Variants in EPS8L3 observed in about 807,000 individuals in gnomAD.
EPS8L3 encodes the protein epidermal growth factor receptor kinase substrate 8-like protein 3.
A neutral mutation model predicts 88.5 loss-of-function variants in EPS8L3; 80 were observed. That is an observed-to-expected ratio of 0.90 (90% confidence interval 0.75 to 1.09). The LOEUF is 1.09. Among genes scored for constraint, EPS8L3 ranks in the 50% least tolerant of loss-of-function variants. EPS8L3 has a pLI of 0.00. For missense variants in EPS8L3, 721 were observed against 735.2 expected (o/e 0.98, Z 0.22); for synonymous variants, 286 against 291.0 (o/e 0.98, Z 0.18).
In EPS8L3 at chr1:109,757,123, T is replaced by C; in HGVS notation, c.1012A>G (p.Ile338Val). The C allele has an allele frequency of 6.2e-7, 1 of 1,613,752 alleles. No homozygotes were observed. The highest frequency in any genetic ancestry group is 8.5e-7 in the Non-Finnish European group (1 of 1,179,820). The change falls in exon 12 of 19, where the codon ATC becomes GTC. Residue 338 changes from isoleucine to valine, a missense_variant. Physicochemically the swap from Ile to Val is conservative, Grantham distance 29. Coordinates refer to ENST00000361965, the MANE Select transcript of EPS8L3 (RefSeq NM_133181.4). ...CPEAGLAAQV[I>V]SPLLTPKAIN... ...GCTTTAGGGGTGAGGAGGGGTGAGATCACTTGGGCTGCTAGGCCAGCCTCA... is the reference window on the plus strand; with the variant it reads ...GCTTTAGGGGTGAGGAGGGGTGAGACCACTTGGGCTGCTAGGCCAGCCTCA...
chr1:109,757,755 G>A (rs750014292), intron 10 of EPS8L3, 47 bp downstream of exon 10: 37 of 1,575,760 alleles, frequency 2.3e-5, no homozygotes, highest in Non-Finnish European at 3.1e-5. Flanking sequence ...TTACTGGGGA[G>A]GAAGGGGAAG....
At chr1:109,758,258 G>A in intron 8 of EPS8L3, 58 bp downstream of exon 8, 1 of 1,510,342 alleles carries the variant, frequency 6.6e-7, no homozygotes, top group Middle Eastern at 1.7e-4. Flanking sequence ...GAGGGTTGGT[G>A]TCCTTCCTTT....
At position 109,759,062 on chromosome 1, in the gene EPS8L3, C is replaced by G; in HGVS notation, c.461G>C (p.Arg154Thr). The change falls in exon 6 of 19, where the codon AGA (arginine) becomes ACA (threonine). Residue 154 changes from arginine to threonine, a missense_variant and splice_region_variant. Coordinates refer to ENST00000361965, the MANE Select transcript of EPS8L3 (RefSeq NM_133181.4). This position sits in a 1 kb window ranked among gnomAD's most constrained non-coding sequence, Gnocchi z 4.2. ...GGTGGGCTGGGCAGAGGCTGCCTAC[C>G]TTTGCTCCAGCTCTTCCTCCAGAGC... ...QKALEEELEQ[R>T]PRLGGLQPGQ... 1 of 1,601,866 alleles carries G rather than the reference C, an allele frequency of 6.2e-7. No individual in the cohort carries two copies. Among genetic ancestry groups the G allele is most frequent in the Non-Finnish European group, 8.5e-7 (1 of 1,175,022 alleles).
chr1:109,752,789 A>G, intron 13 of EPS8L3, 69 bp from the exon 14 acceptor site: 2 of 1,381,278 alleles, frequency 1.4e-6, no homozygotes, highest in South Asian at 2.5e-5. Context: ...GAGCTGGGGT[A>G]TCCGACCACA....
At chr1:109,763,121 G>A (rs553779377) in intron 1 of EPS8L3, among the ~76,000 whole-genome samples, 8 of 152,200 alleles carry the variant, frequency 5.3e-5, no homozygotes, top group Admixed American at 2.6e-4. Flanking sequence ...TGAAAATGAC[G>A]TAGGATCTGA....
Position 109,752,737 on chromosome 1 carries a change from A to G in EPS8L3, c.1201-17T>C, listed in dbSNP as rs752823543. On this transcript the variant is annotated splice_polypyrimidine_tract_variant and intron_variant, in intron 13 of 18. Transcript: ENST00000361965. Reference sequence around the variant, plus strand: ...TAAGGGTGCCTGTAAGGGACAGAACAGAGAGTGAGTAAGAGCAGGAGGCAG... The same window carrying G: ...TAAGGGTGCCTGTAAGGGACAGAACGGAGAGTGAGTAAGAGCAGGAGGCAG... The G allele has an allele frequency of 9.0e-6, 14 of 1,551,416 alleles. No homozygotes were observed. The highest frequency in any genetic ancestry group is 1.7e-4 in the Middle Eastern group (1 of 5,992).
At chr1:109,753,656 C>A (rs557289310) in intron 12 of EPS8L3, among the ~76,000 whole-genome samples, 59 of 152,300 alleles carry the variant, frequency 3.9e-4, no homozygotes, top group Non-Finnish European at 7.1e-4. Flanking sequence ...AGACAGCAGC[C>A]GAGCTGCTCC....
chr1:109,761,157 A>T, intron 3 of EPS8L3: 1 of 255,978 alleles, frequency 3.9e-6, no homozygotes, highest in Non-Finnish European at 7.7e-6. Context: ...CTCGGGCAGC[A>T]GGGGGTTGGG....
rs201669256 is a variant in EPS8L3 at position 109,757,782 on chromosome 1, A to G, written c.894+20T>C. The G allele has an allele frequency of 1.2e-6, 2 of 1,610,900 alleles. No individual in the cohort carries two copies. The highest frequency in any genetic ancestry group is 8.5e-7 in the Non-Finnish European group (1 of 1,177,060). On this transcript the variant is annotated intron_variant, in intron 10 of 18. Coordinates refer to ENST00000361965, the MANE Select transcript of EPS8L3 (RefSeq NM_133181.4). ...AAGGGGAAGAGGAGAGGCCTGGTGA[A>G]CTTGTGGGGAGCCACCTACCAGGAG...
In EPS8L3 at chr1:109,759,293, T is replaced by G; in HGVS notation, c.350A>C (p.Gln117Pro). 6.2e-7 allele frequency: 1 copy of G among 1,614,142 alleles called. No homozygotes were observed. Among genetic ancestry groups the G allele is most frequent in the Non-Finnish European group, 8.5e-7 (1 of 1,180,026 alleles). Reference sequence around the variant, plus strand: ...GCTAGTGCCTGGCAGGCCCGGCTCCTGCACGGTGATGGACAGGATGGAGTT... The same window carrying G: ...GCTAGTGCCTGGCAGGCCCGGCTCCGGCACGGTGATGGACAGGATGGAGTT... Reference protein sequence around the residue: ...SYNSILSITVQEPGLPGTSTL... With the variant: ...SYNSILSITVPEPGLPGTSTL... Residue 117 changes from glutamine (Q) to proline (P), a missense_variant, in exon 5 of 19, where the codon CAG (glutamine) becomes CCG (proline). Gln to Pro is a moderately conservative substitution (Grantham distance 76). Coordinates refer to ENST00000361965, the MANE Select transcript of EPS8L3 (RefSeq NM_133181.4). The surrounding 1 kb of genome is among the most constrained non-coding windows in gnomAD (Gnocchi z 4.2).
rs1649652619 is a variant in EPS8L3 at position 109,750,197 on chromosome 1, G to A, written c.*194C>T. The A allele has an allele frequency of 3.1e-6, 2 of 642,768 alleles. No individual in the cohort carries two copies. The highest frequency in any genetic ancestry group is 5.8e-5 in the Admixed American group (2 of 34,758). The allele number at this position is 642,768 out of a possible 1,614,324, so 39.8% of individuals were successfully genotyped here. On this transcript the variant is annotated 3_prime_UTR_variant, in exon 19 of 19. Coordinates refer to ENST00000361965, the MANE Select transcript of EPS8L3 (RefSeq NM_133181.4). Reference sequence around the variant, plus strand: ...AAAATAAATAGGTGGTTACTGGGGAGGCTCCAACACAGCCAGAAGGGACAC... The same window carrying A: ...AAAATAAATAGGTGGTTACTGGGGAAGCTCCAACACAGCCAGAAGGGACAC...
At chr1:109,755,542 C>T (rs998323157) in intron 12 of EPS8L3, among the ~76,000 whole-genome samples, 8 of 152,114 alleles carry the variant, frequency 5.3e-5, no homozygotes, top group South Asian at 2.1e-4. Flanking sequence ...CGGCAGCTCA[C>T]GGCTGTAATC....
At chr1:109,758,928 C>T (rs550190290) in intron 6 of EPS8L3, 134 bp downstream of exon 6, 10 of 1,006,134 alleles carry the variant, frequency 9.9e-6, no homozygotes, top group South Asian at 6.2e-5. Context: ...CCACCTCTGT[C>T]CTGGCTCCTC....
At chr1:109,755,667 CATG>C (rs1339644173) in intron 12 of EPS8L3, among the ~76,000 whole-genome samples, 4 of 151,978 alleles carry the variant, frequency 2.6e-5, no homozygotes, top group African/African-American at 9.7e-5. Flanking sequence ...AATAGCCAGA[CATG>C]GTGGTGGCAC....
chr1:109,753,717 G>T (rs543248392), intron 12 of EPS8L3, among the ~76,000 whole-genome samples: 1 of 152,192 alleles, frequency 6.6e-6, no homozygotes, highest in East Asian at 1.9e-4. Flanking sequence ...CCTCCCCCTC[G>T]CCCATTACAC....
chr1:109,758,735 T>C lies in EPS8L3; in HGVS notation c.462-72A>G, dbSNP rs1367264963. The C allele has an allele frequency of 4.7e-6, 7 of 1,500,314 alleles. No homozygotes were observed. The East Asian group carries it at 1.6e-4, about 34-fold the overall frequency. 92.9% of individuals were successfully genotyped at this position (1,500,314 alleles called of 1,614,324 possible). A position where few individuals can be genotyped will look rare whatever the true frequency, so the allele number is the denominator to read the frequency against. Reference sequence around the variant, plus strand: ...AGAGAGGCCCTCCCCACAATTCTGCTCCAGGACCCAGGGGCACCACCACCT... The same window carrying C: ...AGAGAGGCCCTCCCCACAATTCTGCCCCAGGACCCAGGGGCACCACCACCT... On this transcript the variant is annotated intron_variant, in intron 6 of 18. Transcript: ENST00000361965.
intron 14 of EPS8L3, 96 bp from the exon 15 acceptor site, chr1:109,752,289 G>A: frequency 8.1e-7 from 1 of 1,236,994 alleles, no homozygotes; most frequent in South Asian, 1.4e-5. Context: ...CCGGCCTGCA[G>A]TCTGATGGTG....
chr1:109,759,229 A>T lies in EPS8L3; in HGVS notation c.405+9T>A. ...CCCCACCCCTGACCAATCACCCCCGACCACTCACCCCCACTTCCTGGCACT... is the reference window on the plus strand; with the variant it reads ...CCCCACCCCTGACCAATCACCCCCGTCCACTCACCCCCACTTCCTGGCACT... On this transcript the variant is annotated intron_variant, in intron 5 of 18. Coordinates refer to ENST00000361965, the MANE Select transcript of EPS8L3 (RefSeq NM_133181.4). The surrounding 1 kb of genome is among the most constrained non-coding windows in gnomAD (Gnocchi z 4.2). 1 of 1,612,560 alleles carries T rather than the reference A, an allele frequency of 6.2e-7. No individual in the cohort carries two copies. Among genetic ancestry groups the T allele is most frequent in the Non-Finnish European group, 8.5e-7 (1 of 1,179,576 alleles).
intron 14 of EPS8L3, 64 bp downstream of exon 14, chr1:109,752,622 C>T: frequency 6.9e-7 from 1 of 1,453,962 alleles, no homozygotes; most frequent in Non-Finnish European, 9.4e-7. Context: ...GCCAGAGATC[C>T]AAAGGAACAG....
Sources: gnomAD v4.1 joint callset for allele counts (sites outside exome capture counted in the v4.1 genomes callset) on GRCh38, gnomAD v4.1.1 for gene constraint, Gnocchi (gnomAD v3.1) non-coding constraint, MANE v1.5 for transcripts, NCBI Gene and HGNC (gene_info 2026-07-23, HGNC 2026-07-21) for gene names.